The following RAB40C variants were observed in gnomAD, a reference collection of about 807,000 sequenced individuals.
The protein encoded by RAB40C is ras-related protein Rab-40C.
In RAB40C, 8 loss-of-function variants were observed where a neutral mutation model predicts 28.1. The ratio of observed to expected loss-of-function variants is 0.28; its 90% CI spans 0.17 to 0.51. The LOEUF is 0.51. Among genes scored for constraint, RAB40C ranks in the 20% least tolerant of loss-of-function variants. The probability of loss-of-function intolerance (pLI) is 0.97; values close to 1 mark genes in which losing one functional copy is unlikely to be tolerated. For missense variants in RAB40C, 288 were observed against 405.9 expected (o/e 0.71, Z 2.50); for synonymous variants, 201 against 171.7 (o/e 1.17, Z -1.34).
intron 1 of RAB40C, among the ~76,000 whole-genome samples, chr16:601,419 G>C (rs2036245633): frequency 6.6e-6 from 1 of 152,128 alleles, no homozygotes; most frequent in Non-Finnish European, 1.5e-5. Context: ...AGTTTCCAGA[G>C]CCCGGGTCGC....
chr16:607,071 A>G (rs980140921), intron 1 of RAB40C, among the ~76,000 whole-genome samples: 2 of 152,172 alleles, frequency 1.3e-5, no homozygotes, highest in African/African-American at 2.4e-5. Context: ...GGTGCTACGC[A>G]GGCTCAGCAG....
intron 1 of RAB40C, among the ~76,000 whole-genome samples, chr16:602,396 A>G (rs2036271821): frequency 1.3e-5 from 2 of 151,884 alleles, no homozygotes; most frequent in Admixed American, 1.3e-4. Context: ...CTAAGACCAT[A>G]GGCATGCACC....
At chr16:616,407 C>T (rs542773848) in intron 1 of RAB40C, among the ~76,000 whole-genome samples, 1 of 151,074 alleles carries the variant, frequency 6.6e-6, no homozygotes, top group Non-Finnish European at 1.5e-5. Context: ...GACATGATCT[C>T]GGCTCACTGC....
chr16:597,337 C>T (rs888109017), intron 1 of RAB40C, among the ~76,000 whole-genome samples: 25 of 151,994 alleles, frequency 1.6e-4, no homozygotes, highest in Non-Finnish European at 2.6e-4. Flanking sequence ...CAGCCTTCGC[C>T]GTCTTTACAG....
intron 1 of RAB40C, among the ~76,000 whole-genome samples, chr16:606,952 G>A (rs2036372284): frequency 6.6e-6 from 1 of 152,216 alleles, no homozygotes; most frequent in African/African-American, 2.4e-5. Context: ...CCTGCACTGT[G>A]CCCTGCAGGA....
chr16:621,923 G>A (rs1285831738), intron 3 of RAB40C, among the ~76,000 whole-genome samples: 4 of 152,200 alleles, frequency 2.6e-5, no homozygotes, highest in East Asian at 1.9e-4. Context: ...AGGTGGGCGG[G>A]TGGATGTGAG....
intron 1 of RAB40C, among the ~76,000 whole-genome samples, chr16:594,271 T>G (rs1300331181): frequency 6.6e-6 from 1 of 152,216 alleles, no homozygotes; most frequent in Admixed American, 6.5e-5. Flanking sequence ...TCTGCTCTTT[T>G]GGGGTTCAGT....
chr16:592,094 C>T (rs1256461678), intron 1 of RAB40C, among the ~76,000 whole-genome samples: 1 of 152,252 alleles, frequency 6.6e-6, no homozygotes, highest in Non-Finnish European at 1.5e-5. Flanking sequence ...GAGCAGTCAG[C>T]ATCCAGCCTC....
At chr16:617,490 A>G (rs12447387) in intron 2 of RAB40C, among the ~76,000 whole-genome samples, 26,997 of 152,176 alleles carry the variant, frequency 0.18, 2,619 homozygotes, top group South Asian at 0.27. Context: ...TGCCCCGGAA[A>G]ACCTGATTCC....
chr16:605,722 T>C (rs1455029829), intron 1 of RAB40C, among the ~76,000 whole-genome samples: 1 of 152,202 alleles, frequency 6.6e-6, no homozygotes, highest in African/African-American at 2.4e-5. Flanking sequence ...ATGGTTTCCA[T>C]GTTGGGTGAC....
chr16:604,376 A>G (rs2036317196), intron 1 of RAB40C, among the ~76,000 whole-genome samples: 1 of 152,218 alleles, frequency 6.6e-6, no homozygotes, highest in Non-Finnish European at 1.5e-5. Context: ...TTTCTCTAGA[A>G]TACACGTGAA....
At position 590,259 on chromosome 16, in the gene RAB40C, A is replaced by AGGCGGCC. The variant is rs2035961353; in HGVS notation, c.-28_-22dup. 7 of 1,429,832 alleles carry AGGCGGCC rather than the reference A, an allele frequency of 4.9e-6. No homozygotes were observed. In the Admixed American group the frequency reaches 2.0e-4, roughly 41 times the overall value. 88.6% of individuals were successfully genotyped at this position (1,429,832 alleles called of 1,614,324 possible). On this transcript the variant is annotated 5_prime_UTR_variant, in exon 1 of 6. Transcript: ENST00000248139. ...CGGCCTCACCCGGCGGTGCTTCGGCAGGCGGCCGGCGCGGGGCGCAGGCGG... is the reference window on the plus strand; with the variant it reads ...CGGCCTCACCCGGCGGTGCTTCGGCAGGCGGCCGGCGGCCGGCGCGGGGCGCAGGCGG...
In RAB40C at chr16:617,202, T is replaced by A; in HGVS notation, c.143-6T>A. On this transcript the variant is annotated splice_region_variant and splice_polypyrimidine_tract_variant and intron_variant, in intron 1 of 5. Coordinates refer to ENST00000248139, the MANE Select transcript of RAB40C (RefSeq NM_021168.5). ...CGTCCCCTCAGCGCCCTGTGCTTCC[T>A]CGCAGGGATCGACTACAAGACCACC... The A allele has an allele frequency of 6.2e-7, 1 of 1,613,610 alleles. No homozygotes were observed. Among genetic ancestry groups the A allele is most frequent in the South Asian group, 1.1e-5 (1 of 91,066 alleles).
intron 3 of RAB40C, among the ~76,000 whole-genome samples, chr16:622,021 C>G (rs1381909587): frequency 6.6e-6 from 1 of 152,188 alleles, no homozygotes; most frequent in South Asian, 2.1e-4. Flanking sequence ...GAGGGCTTCA[C>G]TCTCGCTGGC....
chr16:592,505 G>A (rs1246787436), intron 1 of RAB40C, among the ~76,000 whole-genome samples: 1 of 152,204 alleles, frequency 6.6e-6, no homozygotes, highest in Admixed American at 6.5e-5. Context: ...CTGGGGCATT[G>A]GGGGCTCACA....
intron 1 of RAB40C, chr16:596,423 C>CT (rs2036126439): frequency 4.5e-6 from 2 of 442,192 alleles, no homozygotes; most frequent in Admixed American, 4.8e-5. Context: ...TGCATCACAG[C>CT]TGAGTCCTCC....
chr16:600,134 A>G (rs1206709425), intron 1 of RAB40C, among the ~76,000 whole-genome samples: 1 of 152,090 alleles, frequency 6.6e-6, no homozygotes, highest in Admixed American at 6.5e-5. Context: ...GGCCCCCTTG[A>G]TGTTGGAGCC....
intron 3 of RAB40C, chr16:624,269 T>G (rs2151080909): frequency 1.0e-6 from 1 of 985,394 alleles, no homozygotes; most frequent in East Asian, 1.1e-4. Context: ...CCCCAGTCTC[T>G]CCACCTCCCC....
intron 1 of RAB40C, among the ~76,000 whole-genome samples, chr16:593,710 C>T (rs866304914): frequency 1.7e-4 from 26 of 152,216 alleles, no homozygotes; most frequent in African/African-American, 5.5e-4. Flanking sequence ...ACCACACGCC[C>T]AGCACCTGTG....
Sources: allele counts gnomAD v4.1 joint callset (sites outside exome capture counted in the v4.1 genomes callset), GRCh38; gene constraint gnomAD v4.1.1; transcripts MANE v1.5; gene names NCBI Gene and HGNC (gene_info 2026-07-23, HGNC 2026-07-21).